KCNT2: variants seen among roughly 807,000 people sequenced by gnomAD.
KCNT2 encodes potassium channel subfamily T member 2.
Under a neutral mutation model 153.8 loss-of-function variants are expected in KCNT2, and 67 were observed. The ratio of observed to expected loss-of-function variants is 0.44; its 90% CI spans 0.36 to 0.53. The LOEUF is 0.53. Ranked by LOEUF, KCNT2 falls within the 20% of genes least tolerant of loss-of-function variation. The probability of loss-of-function intolerance (pLI) is 0.00; values close to 1 mark genes in which losing one functional copy is unlikely to be tolerated. For synonymous variants in KCNT2, 500 were observed against 458.8 expected (o/e 1.09, Z -1.15); for missense variants, 975 against 1,354.8 (o/e 0.72, Z 4.40).
chr1:196,415,351 A>G (rs1421336441), intron 12 of KCNT2, among the ~76,000 whole-genome samples: 1 of 151,862 alleles, frequency 6.6e-6, no homozygotes, highest in Non-Finnish European at 1.5e-5. Flanking sequence ...TAGTGTTTGC[A>G]TCAGCAACTA....
intron 8 of KCNT2, among the ~76,000 whole-genome samples, chr1:196,457,325 T>C (rs1676760906): frequency 6.6e-6 from 1 of 151,798 alleles, no homozygotes; most frequent in African/African-American, 2.4e-5. Flanking sequence ...AACTCAGTCT[T>C]TTCACAACAA....
intron 12 of KCNT2, among the ~76,000 whole-genome samples, chr1:196,411,446 TAAAAAAAAAAAAA>T (rs35196093): frequency 1.6e-4 from 15 of 96,304 alleles, no homozygotes; most frequent in African/African-American, 5.6e-4. Flanking sequence ...CTATTCCAGT[TAAAAAAAAAAAAA>T]AAAAAAAAAA....
At chr1:196,537,639 T>C (rs1353623759) in intron 1 of KCNT2, among the ~76,000 whole-genome samples, 1 of 152,172 alleles carries the variant, frequency 6.6e-6, no homozygotes, top group Non-Finnish European at 1.5e-5. Flanking sequence ...ACATAGCCTT[T>C]GAGCTGAAGT....
intron 13 of KCNT2, among the ~76,000 whole-genome samples, chr1:196,397,986 C>T (rs1414842214): frequency 2.0e-5 from 3 of 151,104 alleles, no homozygotes; most frequent in African/African-American, 7.3e-5. Context: ...TACAATTTTG[C>T]TGTTCAATTT....
intron 1 of KCNT2, among the ~76,000 whole-genome samples, chr1:196,575,618 A>G (rs1217537507): frequency 6.7e-6 from 1 of 149,860 alleles, no homozygotes; most frequent in Non-Finnish European, 1.5e-5. Context: ...GATATAATAA[A>G]TAATATATAG....
intron 10 of KCNT2, among the ~76,000 whole-genome samples, chr1:196,426,909 T>C (rs1242569816): frequency 1.3e-5 from 2 of 151,954 alleles, no homozygotes; most frequent in Non-Finnish European, 2.9e-5. Flanking sequence ...CACACCTGCT[T>C]CCCTTTCGCA....
intron 13 of KCNT2, among the ~76,000 whole-genome samples, chr1:196,376,878 C>T (rs1348823284): frequency 1.3e-5 from 2 of 151,858 alleles, no homozygotes; most frequent in African/African-American, 4.8e-5. Flanking sequence ...CAAGTGTAAT[C>T]GAAGATGTAG....
At chr1:196,435,135 G>GTA (rs200431131) in intron 8 of KCNT2, among the ~76,000 whole-genome samples, 111 of 76,834 alleles carry the variant, frequency 1.4e-3, no homozygotes, top group African/African-American at 5.1e-3. Context: ...GTGTGTGTGT[G>GTA]TATGTATATA....
chr1:196,494,434 C>G (rs1202730225), intron 1 of KCNT2, among the ~76,000 whole-genome samples: 4 of 152,034 alleles, frequency 2.6e-5, no homozygotes, highest in African/African-American at 9.7e-5. Flanking sequence ...GAGTCTGGCT[C>G]TGTCGCCCAG....
intron 13 of KCNT2, among the ~76,000 whole-genome samples, chr1:196,381,233 TCTACC>T (rs946293405): frequency 6.6e-6 from 1 of 152,116 alleles, no homozygotes. Context: ...TCAAATTTCC[TCTACC>T]CTAGTGCAGA....
chr1:196,567,368 C>T (rs1265801394), intron 1 of KCNT2, among the ~76,000 whole-genome samples: 2 of 152,160 alleles, frequency 1.3e-5, no homozygotes, highest in African/African-American at 4.8e-5. Context: ...GTCCACTCCT[C>T]CCTGAAGTCT....
chr1:196,431,491 C>A (rs762346704), intron 8 of KCNT2, among the ~76,000 whole-genome samples: 1 of 152,044 alleles, frequency 6.6e-6, no homozygotes, highest in Non-Finnish European at 1.5e-5. Flanking sequence ...GGGGGAAATA[C>A]CGACGGTAAC....
rs549018137 is a variant in KCNT2 at position 196,290,579 on chromosome 1, T to C, written c.2596-4821A>G. On this transcript the variant is annotated intron_variant, in intron 22 of 27. Coordinates refer to ENST00000294725, the MANE Select transcript of KCNT2 (RefSeq NM_198503.5). ...ATATGTATAGGTGTATATATATATATACACACACACACACATATATTTCAT... is the reference window on the plus strand; with the variant it reads ...ATATGTATAGGTGTATATATATATACACACACACACACACATATATTTCAT... 1.1e-3 allele frequency among the ~76,000 whole-genome samples: 171 copies of C among 150,790 alleles called. 1 individual carries two copies. Among genetic ancestry groups the C allele is most frequent in the Admixed American group, 2.7e-3 (41 of 15,082 alleles).
At chr1:196,247,954 C>A (rs11809793) in intron 26 of KCNT2, among the ~76,000 whole-genome samples, 3,294 of 152,212 alleles carry the variant, frequency 0.022, 101 homozygotes, top group African/African-American at 0.074. Context: ...CAAGTATATT[C>A]TCTGACCACA....
At chr1:196,488,000 G>T (rs1679567958) in intron 3 of KCNT2, among the ~76,000 whole-genome samples, 1 of 151,980 alleles carries the variant, frequency 6.6e-6, no homozygotes, top group Non-Finnish European at 1.5e-5. Flanking sequence ...TAAACTACAT[G>T]CTTCAGGTGT....
chr1:196,391,093 T>C (rs181084566), intron 13 of KCNT2, among the ~76,000 whole-genome samples: 3 of 151,190 alleles, frequency 2.0e-5, no homozygotes, highest in African/African-American at 7.3e-5. Context: ...ATGGAGGTTA[T>C]GAAGGGCAGG....
At chr1:196,511,885 G>T (rs1378916811) in intron 1 of KCNT2, among the ~76,000 whole-genome samples, 4 of 152,156 alleles carry the variant, frequency 2.6e-5, no homozygotes, top group Admixed American at 2.0e-4. Context: ...GGTACTAGGG[G>T]TAAGTGCTTC....
intron 16 of KCNT2, 51 bp downstream of exon 16, chr1:196,340,289 AT>A: frequency 9.1e-7 from 1 of 1,102,286 alleles, no homozygotes; most frequent in Non-Finnish European, 1.3e-6. Flanking sequence ...ATTTATCATT[AT>A]TTTTTATTTT....
At chr1:196,352,877 A>G (rs535698186) in intron 14 of KCNT2, among the ~76,000 whole-genome samples, 1 of 152,110 alleles carries the variant, frequency 6.6e-6, no homozygotes, top group East Asian at 1.9e-4. Flanking sequence ...ACTGCTTTGA[A>G]TGTGTCCCAT....
Sources: allele counts gnomAD v4.1 joint callset (sites outside exome capture counted in the v4.1 genomes callset), GRCh38; gene constraint gnomAD v4.1.1; transcripts MANE v1.5; gene names NCBI Gene and HGNC (gene_info 2026-07-23, HGNC 2026-07-21).